ICE2: variants seen among roughly 807,000 people sequenced by gnomAD.
ICE2 encodes little elongation complex subunit 2.
Under a neutral mutation model 105.4 loss-of-function variants are expected in ICE2, and 87 were observed. The observed-to-expected ratio is 0.83, with a 90% CI of 0.69 to 0.99. The LOEUF is 0.99. ICE2 is among the 50% of genes least tolerant of loss of function. The probability of loss-of-function intolerance (pLI) is 0.00; values close to 1 mark genes in which losing one functional copy is unlikely to be tolerated. For synonymous variants in ICE2, 399 were observed against 392.0 expected, an observed-to-expected ratio of 1.02 and a Z score of -0.21; for missense variants, 1,323 against 1,146.7, an observed-to-expected ratio of 1.15 and a Z score of -2.22.
chr15:60,423,841 A>G, intron 15 of ICE2, 79 bp from the exon 16 acceptor site: 1 of 1,247,134 alleles, frequency 8.0e-7, no homozygotes, highest in African/African-American at 1.6e-5. Flanking sequence ...TAGTATTTAT[A>G]CATGTATTAA....
chr15:60,445,039 T>C (rs1312973444), intron 11 of ICE2, among the ~76,000 whole-genome samples: 5 of 152,154 alleles, frequency 3.3e-5, no homozygotes, highest in Non-Finnish European at 5.9e-5. Context: ...TAGGTTCTCC[T>C]TTAAAGTGCA....
chr15:60,466,692 C>G lies in ICE2; in HGVS notation c.430G>C (p.Glu144Gln). 6.2e-7 allele frequency: 1 copy of G among 1,605,648 alleles called. No homozygotes were observed. The highest frequency in any genetic ancestry group is 8.5e-7 in the Non-Finnish European group (1 of 1,177,608). Residue 144 changes from glutamate to glutamine, a missense_variant, in exon 5 of 16, where the codon GAA becomes CAA. Glu to Gln is a conservative substitution (Grantham distance 29). Transcript: ENST00000261520. ...AACTTTAGGAACTCAGTAACTTCTT[C>G]GTTCACATGTTTTTTCATATCCTGA... ...QYLDMKKHVN[E>Q]EVTEFLKFLQ...
rs143299864 is a variant in ICE2 at position 60,428,596 on chromosome 15, C to A, written c.2653G>T (p.Ala885Ser). The A allele has an allele frequency of 5.0e-6, 8 of 1,613,942 alleles. No homozygotes were observed. Among genetic ancestry groups the A allele is most frequent in the African/African-American group, 1.3e-5 (1 of 74,908 alleles). Reference sequence around the variant, plus strand: ...CAATGTGTTTTATACAAATTGTATGCTGTCCTAGTAACTTTTCCATCAGAG... The same window carrying A: ...CAATGTGTTTTATACAAATTGTATGATGTCCTAGTAACTTTTCCATCAGAG... The part of the protein sequence containing the change: ...KASDGKVTRT[A>S]YNLYKTHCGL... Residue 885 changes from alanine to serine, a missense_variant, in exon 15 of 16, where the codon GCA (alanine) becomes TCA (serine). Ala to Ser is a moderately conservative substitution (Grantham distance 99). Coordinates refer to ENST00000261520, the MANE Select transcript of ICE2 (RefSeq NM_024611.6).
In ICE2 at chr15:60,421,525, T is replaced by C. The variant is rs2063242403; in HGVS notation, c.*2109A>G. The stretch of plus-strand genomic sequence containing the variant: ...ATGTTATTCAAATACATGGATAAGA[T>C]AACACATTTTATGATGTAAAAAGTA... On this transcript the variant is annotated 3_prime_UTR_variant, in exon 16 of 16. Coordinates refer to ENST00000261520, the MANE Select transcript of ICE2 (RefSeq NM_024611.6). 6.6e-6 allele frequency: 1 copy of C among 152,202 alleles called. No homozygotes were observed. Among genetic ancestry groups the C allele is most frequent in the African/African-American group, 2.4e-5 (1 of 41,448 alleles). 9.4% of individuals were successfully genotyped at this position (152,202 alleles called of 1,614,324 possible).
chr15:60,475,700 G>T (rs561604832), intron 3 of ICE2, among the ~76,000 whole-genome samples: 13 of 152,018 alleles, frequency 8.6e-5, no homozygotes, highest in Middle Eastern at 3.4e-3. Flanking sequence ...GTATGTGTGC[G>T]TGTACACGTT....
chr15:60,445,501 G>A (rs933139459), intron 11 of ICE2: 2 of 868,580 alleles, frequency 2.3e-6, no homozygotes, highest in Admixed American at 6.2e-5. Flanking sequence ...CGGGGGCAAT[G>A]TAAGCATTCA....
intron 14 of ICE2, 23 bp downstream of exon 14, chr15:60,431,911 C>CA: frequency 7.9e-7 from 1 of 1,260,604 alleles, no homozygotes; most frequent in Non-Finnish European, 1.1e-6. Context: ...TGTATCAAAG[C>CA]AAAATGCCTA....
In ICE2 at chr15:60,423,780, G is replaced by C; in HGVS notation, c.2821-18C>G. 1 of 1,560,826 alleles carries C rather than the reference G, an allele frequency of 6.4e-7. No individual in the cohort carries two copies. The highest frequency in any genetic ancestry group is 1.2e-5 in the South Asian group (1 of 80,626). ...CCACCAATCTAAGAGATGAAGCAGAGAACAGAATAGCTTAATGTATCTACA... is the reference window on the plus strand; with the variant it reads ...CCACCAATCTAAGAGATGAAGCAGACAACAGAATAGCTTAATGTATCTACA... On this transcript the variant is annotated intron_variant, in intron 15 of 15. Transcript: ENST00000261520.
At chr15:60,475,350 T>C (rs1236410473) in intron 3 of ICE2, among the ~76,000 whole-genome samples, 1 of 152,178 alleles carries the variant, frequency 6.6e-6, no homozygotes, top group Non-Finnish European at 1.5e-5. Context: ...TTTGGCAATA[T>C]CTATTAAAAT....
At chr15:60,457,976 T>C (rs915932567) in intron 5 of ICE2, among the ~76,000 whole-genome samples, 6 of 152,176 alleles carry the variant, frequency 3.9e-5, no homozygotes, top group Admixed American at 3.3e-4. Flanking sequence ...ATAGAGACCA[T>C]TCTTGTTACA....
In ICE2 at chr15:60,450,554, T is replaced by A. The variant is rs541523993; in HGVS notation, c.1126-713A>T. ...CAAGCACCAGAAGACCTCTCTTCAATCTGACAGAGCACTTTAAATACCATA... is the reference window on the plus strand; with the variant it reads ...CAAGCACCAGAAGACCTCTCTTCAAACTGACAGAGCACTTTAAATACCATA... On this transcript the variant is annotated intron_variant, in intron 9 of 15. Transcript: ENST00000261520. Among the ~76,000 whole-genome samples the A allele has an allele frequency of 2.6e-5, 4 of 152,324 alleles. No individual in the cohort carries two copies. The South Asian group carries it at 8.3e-4, about 32-fold the overall frequency.
intron 11 of ICE2, among the ~76,000 whole-genome samples, chr15:60,443,346 T>C (rs1361609694): frequency 6.6e-6 from 1 of 152,234 alleles, no homozygotes; most frequent in Non-Finnish European, 1.5e-5. Flanking sequence ...TAAGGCTAAT[T>C]AGTACTTCTG....
intron 5 of ICE2, among the ~76,000 whole-genome samples, chr15:60,461,019 T>C (rs1015429987): frequency 6.6e-6 from 1 of 151,076 alleles, no homozygotes; most frequent in South Asian, 2.1e-4. Flanking sequence ...AGCAGCATCC[T>C]TGGCCTCTAC....
At position 60,476,110 on chromosome 15, in the gene ICE2, A is replaced by T. The variant is rs779311073; in HGVS notation, c.99T>A (p.Asp33Glu). ...KTFFSRENYK[D>E]HSMAPSLKEL... is the part of the protein sequence containing the mutation. ...CTTTTAAACTTGGAGCCATGGAATG[A>T]TCTTTATAATTTTCTCGAGAGAAAA... The change falls in exon 3 of 16, where the codon GAT (aspartate) becomes GAA (glutamate). Residue 33 changes from aspartate to glutamate, a missense_variant. By Grantham distance (45) the Asp-to-Glu change is conservative. Transcript: ENST00000261520. 8 of 1,609,400 alleles carry T rather than the reference A, an allele frequency of 5.0e-6. No homozygotes were observed. Among genetic ancestry groups the T allele is most frequent in the Non-Finnish European group, 5.9e-6 (7 of 1,178,264 alleles).
chr15:60,426,676 G>A (rs1337810269), intron 15 of ICE2, among the ~76,000 whole-genome samples: 1 of 151,980 alleles, frequency 6.6e-6, no homozygotes, highest in African/African-American at 2.4e-5. Flanking sequence ...CATTTTTTTA[G>A]AAACACCTTG....
At chr15:60,456,417 G>A (rs1436148132) in intron 6 of ICE2, among the ~76,000 whole-genome samples, 6 of 148,708 alleles carry the variant, frequency 4.0e-5, no homozygotes, top group South Asian at 2.2e-4. Context: ...GGTGGCAGGC[G>A]CCTGTAATTC....
intron 3 of ICE2, among the ~76,000 whole-genome samples, chr15:60,470,579 A>G (rs1181809991): frequency 6.6e-6 from 1 of 152,182 alleles, no homozygotes; most frequent in Non-Finnish European, 1.5e-5. Flanking sequence ...CTAGTCCATT[A>G]TTATCTCTTA....
intron 14 of ICE2, 86 bp from the exon 15 acceptor site, chr15:60,428,773 T>G (rs1305946829): frequency 7.2e-7 from 1 of 1,380,726 alleles, no homozygotes; most frequent in East Asian, 2.3e-5. Flanking sequence ...TTAGTAAAAT[T>G]GAAAATTATG....
chr15:60,458,544 G>A (rs932292188), intron 5 of ICE2, among the ~76,000 whole-genome samples: 13 of 152,062 alleles, frequency 8.5e-5, no homozygotes, highest in African/African-American at 2.9e-4. Context: ...GTGGCTTAAG[G>A]GCTAATTCTT....
Sources: allele counts gnomAD v4.1 joint callset (sites outside exome capture counted in the v4.1 genomes callset), GRCh38; gene constraint gnomAD v4.1.1; transcripts MANE v1.5; gene names NCBI Gene and HGNC (gene_info 2026-07-23, HGNC 2026-07-21).